The following NR1D2 variants were observed in gnomAD, a reference collection of about 807,000 sequenced individuals.
NR1D2 encodes nuclear receptor subfamily 1 group D member 2.
NR1D2 carries 25 observed loss-of-function variants against 52.2 expected under a neutral mutation model. The observed-to-expected ratio is 0.48, with a 90% CI of 0.35 to 0.67. The LOEUF (loss-of-function observed/expected upper bound fraction) is 0.67, where lower values mean the gene tolerates loss of function less well. NR1D2 is among the 30% of genes least tolerant of loss of function. The pLI is 0.01. For missense variants in NR1D2, 681 were observed against 707.2 expected (o/e 0.96, Z 0.42); for synonymous variants, 259 against 230.1 (o/e 1.13, Z -1.14).
chr3:23,961,887 G>A (rs1575153423), intron 4 of NR1D2, 90 bp from the exon 5 acceptor site: 1 of 1,201,248 alleles, frequency 8.3e-7, no homozygotes, highest in Non-Finnish European at 1.1e-6. Flanking sequence ...ATGACTAGAG[G>A]CCATAACTGT....
At chr3:23,962,653 G>T in intron 5 of NR1D2, 48 bp downstream of exon 5, 1 of 1,517,338 alleles carries the variant, frequency 6.6e-7, no homozygotes, top group Non-Finnish European at 8.8e-7. Flanking sequence ...GGAAAGCTTT[G>T]AAAATTTTCT....
chr3:23,965,685 T>TA (rs112738016), intron 6 of NR1D2, among the ~76,000 whole-genome samples: 4,121 of 152,208 alleles, frequency 0.027, 186 homozygotes, highest in African/African-American at 0.094. Context: ...TTTATATATA[T>TA]TTTTTACTTA....
chr3:23,977,385 C>G lies in NR1D2; in HGVS notation c.1706C>G (p.Ser569Cys). ...CTTCGATCTTTAAACAACATGCACT[C>G]TGAGGAGCTCTTGGCCTTTAAAGTT... ...PDLRSLNNMH[S>C]EELLAFKVHP The change falls in exon 8 of 8, where the codon TCT becomes TGT. Residue 569 changes from serine to cysteine, a missense_variant. Ser to Cys is a moderately radical substitution (Grantham distance 112). Coordinates refer to ENST00000312521, the MANE Select transcript of NR1D2 (RefSeq NM_005126.5). 6.2e-7 allele frequency: 1 copy of G among 1,609,172 alleles called. No individual in the cohort carries two copies. The highest frequency in any genetic ancestry group is 8.5e-7 in the Non-Finnish European group (1 of 1,178,176).
rs1358377439 is a variant in NR1D2, at chr3:23,980,052, GA to G, written c.*2635del. On this transcript the variant is annotated 3_prime_UTR_variant, in exon 8 of 8. Transcript: ENST00000312521. ...GGGAAAAGGGGGAACATCTTGGGAT[GA>G]AGCTTGTCCTTATGGTGATGGTTTA... 6.6e-6 allele frequency: 1 copy of G among 152,130 alleles called. No individual in the cohort carries two copies. Among genetic ancestry groups the G allele is most frequent in the Non-Finnish European group, 1.5e-5 (1 of 67,984 alleles). The allele number at this position is 152,130 out of a possible 1,614,324, so 9.4% of individuals were successfully genotyped here. A position where few individuals can be genotyped will look rare whatever the true frequency, so the allele number is the denominator to read the frequency against.
In NR1D2 at chr3:23,965,129, C is replaced by CTCTCT; in HGVS notation, c.1299_1300insTCTCT (p.Gln434SerfsTer7). ...GGTTCAGAGATCTCTCTCAGCATGA[C>CTCTCT]CAGGTCAACCTTTTAAAGGCTGGGA... On this transcript the variant is annotated frameshift_variant, in exon 6 of 8. Transcript: ENST00000312521. LOFTEE classifies it high-confidence loss of function. The CTCTCT allele has an allele frequency of 6.2e-7, 1 of 1,612,006 alleles. No homozygotes were observed. Among genetic ancestry groups the CTCTCT allele is most frequent in the Non-Finnish European group, 8.5e-7 (1 of 1,179,402 alleles).
chr3:23,945,992 C>T, intron 1 of NR1D2: 1 of 577,246 alleles, frequency 1.7e-6, no homozygotes, highest in Non-Finnish European at 2.2e-6. Context: ...GCTCCCTGAC[C>T]CACATTCCCC....
intron 7 of NR1D2, among the ~76,000 whole-genome samples, chr3:23,975,635 T>C (rs1410267011): frequency 6.6e-6 from 1 of 152,020 alleles, no homozygotes; most frequent in Non-Finnish European, 1.5e-5. Context: ...GGTGGGTGCC[T>C]GTAATCCCAG....
At chr3:23,960,532 A>G (rs1049502762) in intron 4 of NR1D2, among the ~76,000 whole-genome samples, 25 of 151,948 alleles carry the variant, frequency 1.6e-4, no homozygotes, top group Admixed American at 5.2e-4. Context: ...GGGTTTCACC[A>G]TGTTGACCAG....
At chr3:23,949,945 T>A (rs1366270210) in intron 1 of NR1D2, among the ~76,000 whole-genome samples, 1 of 152,210 alleles carries the variant, frequency 6.6e-6, no homozygotes, top group Non-Finnish European at 1.5e-5. Flanking sequence ...GACTTAAGGC[T>A]TGTCTGAAGT....
At chr3:23,961,540 C>T (rs947705921) in intron 4 of NR1D2, among the ~76,000 whole-genome samples, 8 of 151,704 alleles carry the variant, frequency 5.3e-5, no homozygotes, top group East Asian at 1.9e-4. Context: ...GGACTACAGG[C>T]GCCCGCCATC....
intron 4 of NR1D2, 68 bp from the exon 5 acceptor site, chr3:23,961,909 G>A: frequency 1.4e-6 from 2 of 1,415,500 alleles, no homozygotes; most frequent in Non-Finnish European, 1.9e-6. Context: ...GGATAATTTT[G>A]TGTTATTCTT....
chr3:23,963,457 T>G (rs1391469286), intron 5 of NR1D2: 592 of 1,135,272 alleles, frequency 5.2e-4, no homozygotes, highest in Middle Eastern at 1.0e-3. Flanking sequence ...GTTGCTTTTT[T>G]GTTTTTTTTT....
chr3:23,952,588 T>C (rs1705965753), intron 1 of NR1D2, among the ~76,000 whole-genome samples: 1 of 151,384 alleles, frequency 6.6e-6, no homozygotes, highest in African/African-American at 2.4e-5. Flanking sequence ...TAACCAGGCG[T>C]GGTGGCGGGC....
intron 7 of NR1D2, 104 bp from the exon 8 acceptor site, chr3:23,977,119 T>C (rs1489698195): frequency 3.2e-6 from 2 of 616,950 alleles, no homozygotes; most frequent in African/African-American, 3.8e-5. Context: ...TATAAAACCT[T>C]GCTTTCTATT....
rs369397783 is a variant in NR1D2 at position 23,962,292 on chromosome 3, G to A, written c.833G>A (p.Ser278Asn). The change falls in exon 5 of 8, where the codon AGC becomes AAC. Residue 278 changes from serine to asparagine, a missense_variant. Around this residue, in one of 3 missense-constraint regions of NR1D2, gnomAD observed 475 missense variants for 454.5 expected, o/e 1.05. Coordinates refer to ENST00000312521, the MANE Select transcript of NR1D2 (RefSeq NM_005126.5). ...NQEQQENSAE[S>N]MQPQRGERIP... ...GAGCAGCAAGAAAACTCAGCTGAGA[G>A]CATGCAGCCCCAGAGAGGAGAACGG... is the stretch of plus-strand genomic sequence containing the variant. The A allele has an allele frequency of 1.2e-4, 201 of 1,614,092 alleles. No homozygotes were observed. Among genetic ancestry groups the A allele is most frequent in the Middle Eastern group, 3.3e-4 (2 of 6,084 alleles).
intron 1 of NR1D2, 141 bp downstream of exon 1, chr3:23,945,735 G>C: frequency 1.7e-6 from 1 of 580,038 alleles, no homozygotes; most frequent in Non-Finnish European, 2.4e-6. Flanking sequence ...GTCCGCCTCT[G>C]GCTCGGTTCC....
intron 7 of NR1D2, among the ~76,000 whole-genome samples, chr3:23,971,713 A>G (rs1706595779): frequency 8.1e-6 from 1 of 124,048 alleles, no homozygotes; most frequent in Admixed American, 8.4e-5. Flanking sequence ...GACCTTATAC[A>G]TAATGTCTTT....
chr3:23,963,163 T>C (rs944400952), intron 5 of NR1D2: 5 of 709,428 alleles, frequency 7.0e-6, no homozygotes, highest in Non-Finnish European at 1.1e-5. Flanking sequence ...GATGACTTAA[T>C]GTTGGTCATA....
rs920847932 is a variant in NR1D2 at position 23,968,081 on chromosome 3, A to T, written c.1543+58A>T. ...TAGCATATAGTGACCAACTGGGGAG[A>T]AGATGGCAGTTAACAGGGTTCCAGA... On this transcript the variant is annotated intron_variant, in intron 7 of 7. Coordinates refer to ENST00000312521, the MANE Select transcript of NR1D2 (RefSeq NM_005126.5). 4.3e-5 allele frequency: 58 copies of T among 1,354,208 alleles called. No homozygotes were observed. The African/African-American group carries it at 7.9e-4, about 18-fold the overall frequency. 83.9% of individuals were successfully genotyped at this position (1,354,208 alleles called of 1,614,324 possible).
Sources: gnomAD v4.1 joint callset for allele counts (sites outside exome capture counted in the v4.1 genomes callset) on GRCh38, gnomAD v4.1.1 for gene constraint, gnomAD v4.1.1 regional missense constraint, MANE v1.5 for transcripts, NCBI Gene and HGNC (gene_info 2026-07-23, HGNC 2026-07-21) for gene names.